Variants in PDK1 observed in about 807,000 individuals in gnomAD.
PDK1 encodes [Pyruvate dehydrogenase (acetyl-transferring)] kinase isozyme 1, mitochondrial.
In PDK1, 39 loss-of-function variants were observed where a neutral mutation model predicts 54.2. That is an observed-to-expected ratio of 0.72 (90% confidence interval 0.56 to 0.94). The LOEUF (loss-of-function observed/expected upper bound fraction) is 0.94, where lower values mean the gene tolerates loss of function less well. Among genes scored for constraint, PDK1 ranks in the 40% least tolerant of loss-of-function variants. The pLI, the probability that PDK1 is intolerant of heterozygous loss-of-function variation, is 0.00. For missense variants in PDK1, 552 were observed against 566.0 expected (o/e 0.98, Z 0.25); for synonymous variants, 221 against 207.1 (o/e 1.07, Z -0.58).
At chr2:172,657,566 G>C in the PDK1 span, among the ~76,000 whole-genome samples, 6 of 151,776 alleles carry the variant, frequency 4.0e-5, no homozygotes, top group Non-Finnish European at 5.9e-5. Context: ...ATTACTGAAG[G>C]AGTTAAAAGC....
At chr2:172,652,312 TG>T in the PDK1 span, among the ~76,000 whole-genome samples, 1 of 152,174 alleles carries the variant, frequency 6.6e-6, no homozygotes, top group Non-Finnish European at 1.5e-5. Context: ...ATTGATAGGA[TG>T]TATCTCAAAA....
the PDK1 span, among the ~76,000 whole-genome samples, chr2:172,719,945 A>G: frequency 6.6e-6 from 1 of 152,220 alleles, no homozygotes; most frequent in Non-Finnish European, 1.5e-5. Flanking sequence ...AATACCAGAC[A>G]TTGTTTGCAG....
intron 8 of PDK1, among the ~76,000 whole-genome samples, chr2:172,579,270 T>C (rs2149256608): frequency 6.6e-6 from 1 of 152,242 alleles, no homozygotes; most frequent in African/African-American, 2.4e-5. Flanking sequence ...ACTTTTGTAC[T>C]GGGGAGCTCA....
chr2:172,563,090 A>G (rs1688744105), intron 3 of PDK1, among the ~76,000 whole-genome samples: 1 of 152,228 alleles, frequency 6.6e-6, no homozygotes, highest in African/African-American at 2.4e-5. Flanking sequence ...AAAACAATTC[A>G]TTGAAATAAT....
the PDK1 span, among the ~76,000 whole-genome samples, chr2:172,702,666 G>T: frequency 4.6e-5 from 7 of 151,106 alleles, no homozygotes. Context: ...AAAATGCTGG[G>T]CTCATCTCTC....
chr2:172,693,658 T>G, the PDK1 span, among the ~76,000 whole-genome samples: 1 of 152,174 alleles, frequency 6.6e-6, no homozygotes, highest in Non-Finnish European at 1.5e-5. Flanking sequence ...TTTTTGCTTT[T>G]CTATGCCTTG....
intron 8 of PDK1, among the ~76,000 whole-genome samples, chr2:172,578,737 AT>A (rs397873817): frequency 0.15 from 20,834 of 140,948 alleles, 1,513 homozygotes; most frequent in Middle Eastern, 0.2. Context: ...TTGTTTTGTA[AT>A]TTTTTTTTTT....
At chr2:172,621,767 T>C in the PDK1 span, among the ~76,000 whole-genome samples, 1 of 144,974 alleles carries the variant, frequency 6.9e-6, no homozygotes, top group Non-Finnish European at 1.5e-5. Flanking sequence ...CTCATATATG[T>C]CATATATGTT....
chr2:172,687,426 T>C, the PDK1 span, among the ~76,000 whole-genome samples: 4 of 152,220 alleles, frequency 2.6e-5, no homozygotes, highest in African/African-American at 9.6e-5. Context: ...CCTATCTTTT[T>C]ACATTTTTAG....
the PDK1 span, among the ~76,000 whole-genome samples, chr2:172,620,258 C>G: frequency 2.0e-5 from 3 of 152,146 alleles, no homozygotes; most frequent in African/African-American, 7.2e-5. Context: ...CAGCAAATAA[C>G]TGGACAGTCT....
chr2:172,639,674 T>G, the PDK1 span, among the ~76,000 whole-genome samples: 1 of 152,200 alleles, frequency 6.6e-6, no homozygotes, highest in Non-Finnish European at 1.5e-5. Context: ...AAACTCATTT[T>G]GAGGCTTGGT....
chr2:172,642,678 C>G, the PDK1 span, among the ~76,000 whole-genome samples: 3 of 152,152 alleles, frequency 2.0e-5, no homozygotes, highest in Non-Finnish European at 2.9e-5. Context: ...ACAGGGTGGC[C>G]GGTCCCATCC....
the PDK1 span, among the ~76,000 whole-genome samples, chr2:172,699,909 C>G: frequency 6.6e-6 from 1 of 152,102 alleles, no homozygotes; most frequent in Admixed American, 6.5e-5. Context: ...CTGCCGCCTT[C>G]CGAACTGTTT....
chr2:172,570,845 GTTTTCT>G, intron 8 of PDK1, 21 bp downstream of exon 8: 1 of 1,255,940 alleles, frequency 8.0e-7, no homozygotes. Context: ...TTAATGGTTT[GTTTTCT>G]TTTTTTTTTT....
chr2:172,586,940 C>A (rs1192005591), intron 9 of PDK1, among the ~76,000 whole-genome samples: 1 of 152,140 alleles, frequency 6.6e-6, no homozygotes, highest in African/African-American at 2.4e-5. Context: ...CCATCCTTAT[C>A]TTTATGTTCT....
chr2:172,664,230 G>A, the PDK1 span, among the ~76,000 whole-genome samples: 1 of 136,302 alleles, frequency 7.3e-6, no homozygotes, highest in African/African-American at 2.7e-5. Flanking sequence ...AGAATTGCTT[G>A]AACCCAGGAG....
chr2:172,593,792 A>G (rs1690736959), intron 10 of PDK1, among the ~76,000 whole-genome samples: 1 of 152,088 alleles, frequency 6.6e-6, no homozygotes, highest in African/African-American at 2.4e-5. Context: ...CACACATTTT[A>G]CATGGTGGAA....
chr2:172,556,244 T>G lies in PDK1; in HGVS notation c.94T>G (p.Ser32Ala). The change falls in exon 1 of 11, where the codon TCG (serine) becomes GCG (alanine). Residue 32 changes from serine (S) to alanine (A), a missense_variant. By Grantham distance (99) the Ser-to-Ala change is moderately conservative (BLOSUM62 1). Transcript: ENST00000282077. ...CTTCAGCCGCAGCTTCAGCTCGGAC[T>G]CGGGCTCCAGCCCGGCGTCCGAGCG... Reference protein sequence around the residue: ...AGFSRSFSSDSGSSPASERGV... With the variant: ...AGFSRSFSSDAGSSPASERGV... 2 of 1,467,990 alleles carry G rather than the reference T, an allele frequency of 1.4e-6. No individual in the cohort carries two copies. The highest frequency in any genetic ancestry group is 1.3e-5 in the South Asian group (1 of 76,296). The allele number at this position is 1,467,990 out of a possible 1,614,324, so 90.9% of individuals were successfully genotyped here.
intron 8 of PDK1, among the ~76,000 whole-genome samples, chr2:172,572,802 A>C (rs1192555256): frequency 6.6e-6 from 1 of 152,032 alleles, no homozygotes; most frequent in Non-Finnish European, 1.5e-5. Context: ...CTTGGCAACC[A>C]CTGATCTATT....
Sources: allele counts gnomAD v4.1 joint callset (sites outside exome capture counted in the v4.1 genomes callset), GRCh38; gene constraint gnomAD v4.1.1; transcripts MANE v1.5; gene names NCBI Gene and HGNC (gene_info 2026-07-23, HGNC 2026-07-21).